Variants in VPS13B observed in about 807,000 individuals in gnomAD.
VPS13B encodes intermembrane lipid transfer protein VPS13B.
In VPS13B, 285 loss-of-function variants were observed where a neutral mutation model predicts 426.4. The observed-to-expected ratio is 0.67, with a 90% confidence interval of 0.61 to 0.74. VPS13B has a LOEUF of 0.74. Ranked by LOEUF, VPS13B falls within the 30% of genes least tolerant of loss-of-function variation. The pLI is 0.00. For missense variants in VPS13B, 4,537 were observed against 4,782.6 expected, an observed-to-expected ratio of 0.95 and a Z score of 1.51; for synonymous variants, 1,676 against 1,676.4, an observed-to-expected ratio of 1.00 and a Z score of 0.01.
rs565159325 is a variant in VPS13B at position 99,050,719 on chromosome 8, T to C, written c.291+12153T>C. Among the ~76,000 whole-genome samples, 138 of 152,274 alleles carry C rather than the reference T, an allele frequency of 9.1e-4. 2 individuals carry two copies. The East Asian group carries it at 0.025, about 28-fold the overall frequency. On this transcript the variant is annotated intron_variant, in intron 3 of 61. Transcript: ENST00000357162. ...TGTTGTTTCCTGACTTTTTAATGAG[T>C]GCCATTCTAACTGGTGTGAGATGGT...
intron 40 of VPS13B, among the ~76,000 whole-genome samples, chr8:99,770,063 G>A (rs1031008252): frequency 1.3e-5 from 2 of 152,134 alleles, no homozygotes. Context: ...GGAGGCTAAG[G>A]TGGGAGGACT....
Position 99,854,079 on chromosome 8 carries a change from G to C in VPS13B, c.10690G>C (p.Val3564Leu), listed in dbSNP as rs761285530. The C allele has an allele frequency of 1.2e-6, 2 of 1,613,196 alleles. No individual in the cohort carries two copies. The highest frequency in any genetic ancestry group is 2.2e-5 in the East Asian group (1 of 44,838). The change falls in exon 56 of 62, where the codon GTG (valine) becomes CTG (leucine). Residue 3564 changes from valine to leucine, a missense_variant. By Grantham distance (32) the Val-to-Leu change is conservative. Coordinates refer to ENST00000357162, the MANE Select transcript of VPS13B (RefSeq NM_152564.5). ...LVNPVKLRKL[V>L]IQPVNLLVSI... ...GAATCCTGTGAAGTTACGGAAACTG[G>C]TGATCCAGCCAGTAAATTTGCTCGT... is the stretch of plus-strand genomic sequence containing the variant.
intron 36 of VPS13B, among the ~76,000 whole-genome samples, chr8:99,716,585 A>G (rs113900018): frequency 1.3e-5 from 2 of 152,346 alleles, no homozygotes; most frequent in African/African-American, 2.4e-5. Context: ...ACTTTGAACT[A>G]TAGCATATAG....
At chr8:99,458,138 A>G (rs1380980640) in intron 23 of VPS13B, among the ~76,000 whole-genome samples, 1 of 141,840 alleles carries the variant, frequency 7.1e-6, no homozygotes, top group South Asian at 2.2e-4. Context: ...TCATTGTTCA[A>G]TTCCCACCTA....
chr8:99,302,668 C>T (rs1475315440), intron 19 of VPS13B, among the ~76,000 whole-genome samples: 2 of 152,080 alleles, frequency 1.3e-5, no homozygotes, highest in African/African-American at 4.8e-5. Context: ...GCCACCACAC[C>T]CAGCTGATTT....
intron 22 of VPS13B, among the ~76,000 whole-genome samples, chr8:99,436,771 A>ACT (rs1817400093): frequency 6.6e-6 from 1 of 152,066 alleles, no homozygotes; most frequent in South Asian, 2.1e-4. Flanking sequence ...ACAGAGTCTT[A>ACT]GTTGTCGCCC....
At chr8:99,360,119 TA>T (rs1263174792) in intron 19 of VPS13B, among the ~76,000 whole-genome samples, 1 of 115,592 alleles carries the variant, frequency 8.7e-6, no homozygotes, top group African/African-American at 4.7e-5. Context: ...TTTTTTTCCT[TA>T]TCTTTCTTTC....
chr8:99,495,055 C>G (rs905348868), intron 25 of VPS13B, among the ~76,000 whole-genome samples: 1 of 152,068 alleles, frequency 6.6e-6, no homozygotes, highest in East Asian at 1.9e-4. Flanking sequence ...TATATTGTTT[C>G]AGTGCCATAC....
rs1420456509 is a variant in VPS13B at position 99,556,606 on chromosome 8, T to C, written c.4902T>C (p.Thr1634=). ...ESVSGGVVTE[T]ERNSQNPALE... ...TCTCAGGAGGGGTGGTAACAGAGAC[T>C]GAAAGGAATTCTCAAAATCCAGCCC... Residue 1634 remains threonine (T), a synonymous_variant, in exon 31 of 62, where the codon ACT becomes ACC. Transcript: ENST00000357162. The C allele has an allele frequency of 6.8e-6, 11 of 1,613,162 alleles. No homozygotes were observed. In the South Asian group the frequency reaches 7.7e-5, roughly 11 times the overall value.
chr8:99,643,286 T>C (rs1227672426), intron 34 of VPS13B, among the ~76,000 whole-genome samples: 2 of 152,190 alleles, frequency 1.3e-5, no homozygotes, highest in Admixed American at 6.6e-5. Context: ...AAGAGGGCTC[T>C]AGCAAGCTCA....
intron 22 of VPS13B, 75 bp downstream of exon 22, chr8:99,431,739 T>C (rs1244533536): frequency 6.7e-7 from 1 of 1,484,184 alleles, no homozygotes. Flanking sequence ...TTAATATTGG[T>C]AAGACTTTTC....
At chr8:99,790,086 T>C (rs1812467332) in intron 43 of VPS13B, among the ~76,000 whole-genome samples, 2 of 152,156 alleles carry the variant, frequency 1.3e-5, no homozygotes, top group Non-Finnish European at 2.9e-5. Context: ...TGTAATGATA[T>C]ATCAAGAGTG....
chr8:99,122,563 A>G (rs1363565457), intron 8 of VPS13B, among the ~76,000 whole-genome samples: 1 of 151,984 alleles, frequency 6.6e-6, no homozygotes, highest in Non-Finnish European at 1.5e-5. Flanking sequence ...TCTTCCTCTC[A>G]CATATAACCC....
At position 99,625,419 on chromosome 8, in the gene VPS13B, A is replaced by G. The variant is rs534356176; in HGVS notation, c.5221-16392A>G. Among the ~76,000 whole-genome samples the G allele has an allele frequency of 2.0e-5, 3 of 152,312 alleles. No homozygotes were observed. In the South Asian group the frequency reaches 6.2e-4, roughly 32 times the overall value. The stretch of plus-strand genomic sequence containing the variant: ...TCAAAGGGGGATAGAAAAGCAGTGG[A>G]GAAAATTTAAAAAAATTTCATCCTT... On this transcript the variant is annotated intron_variant, in intron 33 of 61. Coordinates refer to ENST00000357162, the MANE Select transcript of VPS13B (RefSeq NM_152564.5).
intron 43 of VPS13B, among the ~76,000 whole-genome samples, chr8:99,799,513 C>T (rs1813020215): frequency 6.6e-6 from 1 of 152,110 alleles, no homozygotes; most frequent in Non-Finnish European, 1.5e-5. Flanking sequence ...TTTATTTAAC[C>T]TTTACAAAAA....
chr8:99,505,796 A>C (rs184698005), intron 27 of VPS13B, among the ~76,000 whole-genome samples: 1 of 152,198 alleles, frequency 6.6e-6, no homozygotes. Context: ...TGGGTAAAAC[A>C]TAATATCTGC....
chr8:99,286,162 G>A (rs1819431182), intron 19 of VPS13B, among the ~76,000 whole-genome samples: 1 of 152,124 alleles, frequency 6.6e-6, no homozygotes, highest in South Asian at 2.1e-4. Context: ...TTAACAGCAG[G>A]GAACCATAAC....
intron 33 of VPS13B, among the ~76,000 whole-genome samples, chr8:99,599,636 A>C (rs1224998252): frequency 6.6e-6 from 1 of 152,140 alleles, no homozygotes; most frequent in African/African-American, 2.4e-5. Flanking sequence ...AAAAATTAAC[A>C]TTAGAGCCAT....
chr8:99,120,421 AATTAT>A (rs1241558171), intron 7 of VPS13B: 1 of 152,066 alleles, frequency 6.6e-6, no homozygotes, highest in Non-Finnish European at 1.5e-5. Context: ...ATATTGCTAT[AATTAT>A]ATTAAAGGAC....
Sources: gnomAD v4.1 joint callset for allele counts (sites outside exome capture counted in the v4.1 genomes callset) on GRCh38, gnomAD v4.1.1 for gene constraint, MANE v1.5 for transcripts, NCBI Gene and HGNC (gene_info 2026-07-23, HGNC 2026-07-21) for gene names.